Variants in ARL15 observed in about 807,000 individuals in gnomAD.
ARL15 encodes ARF like GTPase 15, also known as ADP-ribosylation factor-like protein 15.
In ARL15, 19 loss-of-function variants were observed where a neutral mutation model predicts 25.2. That is an observed-to-expected ratio of 0.75 (90% CI 0.53 to 1.10). The LOEUF is 1.10. Ranked by LOEUF, ARL15 falls within the 50% of genes least tolerant of loss-of-function variation. The pLI, the probability that ARL15 is intolerant of heterozygous loss-of-function variation, is 0.00. For missense variants in ARL15, 220 were observed against 246.0 expected, an observed-to-expected ratio of 0.89 and a Z score of 0.71; for synonymous variants, 94 against 86.8, an observed-to-expected ratio of 1.08 and a Z score of -0.46.
intron 1 of ARL15, among the ~76,000 whole-genome samples, chr5:54,183,611 C>T (rs1307011310): frequency 6.6e-6 from 1 of 151,354 alleles, no homozygotes; most frequent in Non-Finnish European, 1.5e-5. Flanking sequence ...CTAAAATTCT[C>T]GTTTTTGTGG....
intron 1 of ARL15, among the ~76,000 whole-genome samples, chr5:54,174,556 C>T (rs764275709): frequency 1.2e-4 from 19 of 152,200 alleles, no homozygotes; most frequent in Non-Finnish European, 2.6e-4. Flanking sequence ...CCTGAGGAGT[C>T]CTACTTATTT....
intron 3 of ARL15, among the ~76,000 whole-genome samples, chr5:54,125,037 C>T (rs1169464811): frequency 6.6e-6 from 1 of 150,842 alleles, no homozygotes; most frequent in East Asian, 1.9e-4. Context: ...CTATCAGATT[C>T]TCTCTATTGC....
At chr5:54,305,840 T>G (rs966086852) in intron 1 of ARL15, among the ~76,000 whole-genome samples, 1 of 152,182 alleles carries the variant, frequency 6.6e-6, no homozygotes, top group Non-Finnish European at 1.5e-5. Context: ...AGTAAAACCG[T>G]GGATGGGAGG....
chr5:54,095,377 CT>C (rs1752254615), intron 4 of ARL15, among the ~76,000 whole-genome samples: 2 of 152,188 alleles, frequency 1.3e-5, no homozygotes, highest in South Asian at 4.2e-4. Context: ...AGCCCCGTGC[CT>C]TTTCTTAAAC....
intron 4 of ARL15, among the ~76,000 whole-genome samples, chr5:54,021,930 T>C (rs79756728): frequency 6.6e-6 from 1 of 151,990 alleles, no homozygotes; most frequent in Non-Finnish European, 1.5e-5. Flanking sequence ...GAATAAAAAT[T>C]AAAATGACAG....
At chr5:54,238,957 C>A (rs145421264) in intron 1 of ARL15, among the ~76,000 whole-genome samples, 275 of 152,248 alleles carry the variant, frequency 1.8e-3, no homozygotes, top group Non-Finnish European at 3.1e-3. Context: ...TACCAAGGTG[C>A]CACTTTTATA....
intron 3 of ARL15, among the ~76,000 whole-genome samples, chr5:54,117,370 T>A (rs76115335): frequency 7.0e-6 from 1 of 143,782 alleles, no homozygotes; most frequent in Non-Finnish European, 1.5e-5. Context: ...GTGAGACACA[T>A]ACACACACAC....
At chr5:53,919,557 G>C (rs1745776196) in intron 4 of ARL15, among the ~76,000 whole-genome samples, 1 of 152,144 alleles carries the variant, frequency 6.6e-6, no homozygotes, top group African/African-American at 2.4e-5. Context: ...AGACAAAACA[G>C]GATGGGAAAG....
At chr5:53,937,743 A>C (rs1168795092) in intron 4 of ARL15, among the ~76,000 whole-genome samples, 1 of 152,160 alleles carries the variant, frequency 6.6e-6, no homozygotes, top group Non-Finnish European at 1.5e-5. Flanking sequence ...ACAATGGTGA[A>C]ATCACCTAAC....
At chr5:54,053,842 T>A (rs1026552782) in intron 4 of ARL15, among the ~76,000 whole-genome samples, 3 of 152,208 alleles carry the variant, frequency 2.0e-5, no homozygotes, top group African/African-American at 7.2e-5. Context: ...GTGTCCTGTA[T>A]GGGATCCTGG....
chr5:53,892,582 T>G (rs1481998806), intron 4 of ARL15, among the ~76,000 whole-genome samples: 1 of 151,568 alleles, frequency 6.6e-6, no homozygotes, highest in African/African-American at 2.4e-5. Flanking sequence ...GTTCTGTTAT[T>G]TATTTATTAT....
intron 1 of ARL15, among the ~76,000 whole-genome samples, chr5:54,300,237 TA>T (rs1758581623): frequency 6.6e-6 from 1 of 152,206 alleles, no homozygotes; most frequent in African/African-American, 2.4e-5. Flanking sequence ...GAGGATTGGG[TA>T]GAAAAGACCA....
chr5:54,195,655 T>C (rs1375391975), intron 1 of ARL15, among the ~76,000 whole-genome samples: 1 of 152,192 alleles, frequency 6.6e-6, no homozygotes, highest in Non-Finnish European at 1.5e-5. Flanking sequence ...TGTCCCTTCA[T>C]ATTCAACCCT....
At chr5:54,262,858 T>A (rs1336582258) in intron 1 of ARL15, among the ~76,000 whole-genome samples, 1 of 152,194 alleles carries the variant, frequency 6.6e-6, no homozygotes, top group Non-Finnish European at 1.5e-5. Flanking sequence ...TGAAATTCAG[T>A]GGAATGAACA....
chr5:54,088,267 T>G (rs1272679224), intron 4 of ARL15, among the ~76,000 whole-genome samples: 4 of 152,130 alleles, frequency 2.6e-5, no homozygotes, highest in Non-Finnish European at 5.9e-5. Flanking sequence ...GATAAAGGAA[T>G]GTGAAGTATG....
chr5:54,278,617 T>C (rs1433989706), intron 1 of ARL15, among the ~76,000 whole-genome samples: 1 of 152,242 alleles, frequency 6.6e-6, no homozygotes, highest in African/African-American at 2.4e-5. Flanking sequence ...TGTTTGTTTG[T>C]TTGTTTTTTA....
intron 1 of ARL15, among the ~76,000 whole-genome samples, chr5:54,241,753 G>A (rs956056978): frequency 6.6e-6 from 1 of 152,110 alleles, no homozygotes; most frequent in Admixed American, 6.5e-5. Context: ...TAAAAAACAT[G>A]AGCACATCTT....
At chr5:54,233,400 T>C (rs1756723056) in intron 1 of ARL15, among the ~76,000 whole-genome samples, 1 of 152,248 alleles carries the variant, frequency 6.6e-6, no homozygotes, top group Admixed American at 6.5e-5. Flanking sequence ...CAACTGTTAG[T>C]ATTTGTTGCC....
intron 4 of ARL15, among the ~76,000 whole-genome samples, chr5:53,903,849 A>T (rs926319518): frequency 6.6e-6 from 1 of 152,184 alleles, no homozygotes. Context: ...CTCAGTCTAC[A>T]CAGTCACTGT....
Sources: gnomAD v4.1 joint callset for allele counts (sites outside exome capture counted in the v4.1 genomes callset) on GRCh38, gnomAD v4.1.1 for gene constraint, MANE v1.5 for transcripts, NCBI Gene and HGNC (gene_info 2026-07-23, HGNC 2026-07-21) for gene names.